Variants in RNF152 observed in about 807,000 individuals in gnomAD.
The protein encoded by RNF152 is E3 ubiquitin-protein ligase RNF152.
In RNF152, 11 loss-of-function variants were observed where a neutral mutation model predicts 12.7. That is an observed-to-expected ratio of 0.86 (90% CI 0.54 to 1.43). The LOEUF (loss-of-function observed/expected upper bound fraction) is 1.43, where lower values mean the gene tolerates loss of function less well. Among genes scored for constraint, RNF152 ranks in the 40% most tolerant of loss-of-function variants. The pLI is 0.00. For missense variants in RNF152, 255 were observed against 274.8 expected, an observed-to-expected ratio of 0.93 and a Z score of 0.51; for synonymous variants, 113 against 120.3, an observed-to-expected ratio of 0.94 and a Z score of 0.40.
At chr18:61,821,013 A>G in intron 1 of RNF152, among the ~76,000 whole-genome samples, 1 of 152,202 alleles carries the variant, frequency 6.6e-6, no homozygotes, top group South Asian at 2.1e-4. Context: ...CAGAGAGGAC[A>G]GTGCTTGTTC....
At chr18:61,830,823 T>C (rs1359459363) in intron 1 of RNF152, among the ~76,000 whole-genome samples, 1 of 152,132 alleles carries the variant, frequency 6.6e-6, no homozygotes, top group Non-Finnish European at 1.5e-5. Context: ...GAAGCATTTT[T>C]GAGGGGTACA....
At chr18:61,874,719 T>C (rs905344769) in intron 1 of RNF152, among the ~76,000 whole-genome samples, 5 of 152,208 alleles carry the variant, frequency 3.3e-5, no homozygotes, top group Non-Finnish European at 7.3e-5. Context: ...CTCTGGTGAA[T>C]AGTTTTGTTA....
At chr18:61,891,251 C>T (rs1271437857) in intron 1 of RNF152, among the ~76,000 whole-genome samples, 1 of 152,140 alleles carries the variant, frequency 6.6e-6, no homozygotes, top group Non-Finnish European at 1.5e-5. Flanking sequence ...GAGCCTCCTT[C>T]TTATATAAAA....
chr18:61,872,909 TTACTC>T (rs1304781338), intron 1 of RNF152, among the ~76,000 whole-genome samples: 23 of 152,214 alleles, frequency 1.5e-4, no homozygotes, highest in African/African-American at 5.1e-4. Context: ...GAGCAAATAA[TTACTC>T]TAAAGATGTT....
At chr18:61,872,037 G>A (rs193256917) in intron 1 of RNF152, among the ~76,000 whole-genome samples, 3 of 152,198 alleles carry the variant, frequency 2.0e-5, no homozygotes, top group African/African-American at 7.2e-5. Flanking sequence ...TGTACAGTAA[G>A]CATGATGTTG....
At chr18:61,838,411 G>A (rs990486079) in intron 1 of RNF152, among the ~76,000 whole-genome samples, 2 of 152,146 alleles carry the variant, frequency 1.3e-5, no homozygotes, top group Admixed American at 6.5e-5. Flanking sequence ...AGAGACGGAG[G>A]AGTCATACTT....
At chr18:61,822,776 G>A (rs1027206733) in intron 1 of RNF152, among the ~76,000 whole-genome samples, 18 of 152,266 alleles carry the variant, frequency 1.2e-4, no homozygotes, top group African/African-American at 4.1e-4. Flanking sequence ...TCTCTATGAG[G>A]ACCTTAAATT....
intron 1 of RNF152, among the ~76,000 whole-genome samples, chr18:61,873,060 G>A (rs1912062736): frequency 6.6e-6 from 1 of 152,100 alleles, no homozygotes; most frequent in Non-Finnish European, 1.5e-5. Flanking sequence ...CAGATTTGGG[G>A]TTCTGTCCCG....
intron 1 of RNF152, among the ~76,000 whole-genome samples, chr18:61,822,073 C>A (rs1189213449): frequency 6.6e-6 from 1 of 151,980 alleles, no homozygotes; most frequent in African/African-American, 2.4e-5. Context: ...GGAAAGAGTA[C>A]TTCAGTAGAA....
rs56397865 is a variant in RNF152, at chr18:61,809,856, GAAAAAAAAA to G, written c.*5987_*5995del. On this transcript the variant is annotated 3_prime_UTR_variant, in exon 2 of 2. Transcript: ENST00000312828. Reference sequence around the variant, plus strand: ...TGGGATACCCCAGGCAGTGAATCCTGAAAAAAAAAAAAAAAAAAAAAGTCATTGGCTCGA... The same window carrying G: ...TGGGATACCCCAGGCAGTGAATCCTGAAAAAAAAAAAAGTCATTGGCTCGA... 1 of 100,836 alleles carries G rather than the reference GAAAAAAAAA, an allele frequency of 9.9e-6. No homozygotes were observed. Among genetic ancestry groups the G allele is most frequent in the Admixed American group, 1.2e-4 (1 of 8,588 alleles). The allele number at this position is 100,836 out of a possible 1,614,324, so 6.2% of individuals were successfully genotyped here.
At chr18:61,860,462 GA>G (rs1385683485) in intron 1 of RNF152, among the ~76,000 whole-genome samples, 1 of 152,226 alleles carries the variant, frequency 6.6e-6, no homozygotes, top group Non-Finnish European at 1.5e-5. Flanking sequence ...ATTGCCTGGT[GA>G]TACAGCCATC....
chr18:61,844,241 G>C (rs1910649869), intron 1 of RNF152, among the ~76,000 whole-genome samples: 1 of 150,880 alleles, frequency 6.6e-6, no homozygotes, highest in South Asian at 2.1e-4. Flanking sequence ...CGGGAGGGGA[G>C]GGGAGGGCAG....
chr18:61,857,814 A>C (rs1599302230), intron 1 of RNF152, among the ~76,000 whole-genome samples: 1 of 152,348 alleles, frequency 6.6e-6, no homozygotes, highest in East Asian at 1.9e-4. Flanking sequence ...ATAGTCATTT[A>C]AAGTAAATTT....
intron 1 of RNF152, among the ~76,000 whole-genome samples, chr18:61,832,144 C>G (rs1909980669): frequency 1.3e-5 from 2 of 152,052 alleles, no homozygotes; most frequent in Admixed American, 1.3e-4. Context: ...TGTTGAGAGC[C>G]ACTAAACATA....
chr18:61,814,407 A>G lies in RNF152; in HGVS notation c.*1445T>C, dbSNP rs1314219520. ...TTGTCACATACCACTTGCTTCATGAATTCCATAAAAGAAGTTAGATGAGAG... is the reference window on the plus strand; with the variant it reads ...TTGTCACATACCACTTGCTTCATGAGTTCCATAAAAGAAGTTAGATGAGAG... On this transcript the variant is annotated 3_prime_UTR_variant, in exon 2 of 2. Coordinates refer to ENST00000312828, the MANE Select transcript of RNF152 (RefSeq NM_173557.3). 1 of 152,216 alleles carries G rather than the reference A, an allele frequency of 6.6e-6. No individual in the cohort carries two copies. The highest frequency in any genetic ancestry group is 1.9e-4 in the East Asian group (1 of 5,196). 9.4% of individuals were successfully genotyped at this position (152,216 alleles called of 1,614,324 possible).
chr18:61,871,956 C>T (rs1912014664), intron 1 of RNF152, among the ~76,000 whole-genome samples: 1 of 152,104 alleles, frequency 6.6e-6, no homozygotes, highest in African/African-American at 2.4e-5. Flanking sequence ...TCTCACATTG[C>T]TATAAAGAAA....
intron 1 of RNF152, among the ~76,000 whole-genome samples, chr18:61,828,373 C>A (rs6567246): frequency 1.3e-5 from 2 of 152,086 alleles, no homozygotes; most frequent in South Asian, 2.1e-4. Flanking sequence ...TGCCTTAGCC[C>A]CCCGAGTAGC....
chr18:61,886,041 T>G (rs917217732), intron 1 of RNF152, among the ~76,000 whole-genome samples: 1 of 142,022 alleles, frequency 7.0e-6, no homozygotes. Flanking sequence ...CAAATGGAAG[T>G]TGAAAAACAG....
chr18:61,867,650 C>G (rs554356601), intron 1 of RNF152, among the ~76,000 whole-genome samples: 1 of 152,022 alleles, frequency 6.6e-6, no homozygotes, highest in Non-Finnish European at 1.5e-5. Flanking sequence ...CAGGGTGAAC[C>G]GTATGTAAAC....
Sources: gnomAD v4.1 joint callset for allele counts (sites outside exome capture counted in the v4.1 genomes callset) on GRCh38, gnomAD v4.1.1 for gene constraint, MANE v1.5 for transcripts, NCBI Gene and HGNC (gene_info 2026-07-23, HGNC 2026-07-21) for gene names.